FBXO16: variants seen among roughly 807,000 people sequenced by gnomAD.
FBXO16 encodes the protein F-box only protein 16.
FBXO16 carries 31 observed loss-of-function variants against 41.0 expected under a neutral mutation model. The ratio of observed to expected loss-of-function variants is 0.76; its 90% CI spans 0.57 to 1.02. The LOEUF is 1.02. FBXO16 is among the 50% of genes least tolerant of loss of function. The pLI is 0.00. For synonymous variants in FBXO16, 133 were observed against 117.8 expected (o/e 1.13, Z -0.84); for missense variants, 361 against 346.2 (o/e 1.04, Z -0.34).
chr8:28,429,022 A>C (rs181825280), intron 8 of FBXO16, among the ~76,000 whole-genome samples: 64 of 152,322 alleles, frequency 4.2e-4, no homozygotes, highest in African/African-American at 1.5e-3. Flanking sequence ...TTCATTTTGC[A>C]AATAAATGAA....
chr8:28,436,129 TAAG>T (rs1175223847), intron 7 of FBXO16, among the ~76,000 whole-genome samples: 2 of 152,122 alleles, frequency 1.3e-5, no homozygotes, highest in Non-Finnish European at 2.9e-5. Context: ...GGCCTTCTTC[TAAG>T]AAGAAGGCCT....
intron 4 of FBXO16, among the ~76,000 whole-genome samples, chr8:28,459,490 C>A (rs1373513615): frequency 6.6e-6 from 1 of 151,562 alleles, no homozygotes; most frequent in South Asian, 2.1e-4. Context: ...TGGTGACATG[C>A]GCCTGTAATC....
At chr8:28,450,050 C>G (rs976983531) in intron 6 of FBXO16, among the ~76,000 whole-genome samples, 4 of 151,508 alleles carry the variant, frequency 2.6e-5, no homozygotes, top group African/African-American at 9.7e-5. Context: ...GGGACTCCCA[C>G]TTTCTGGTTT....
In FBXO16 at chr8:28,484,741, G is replaced by A. The variant is rs932624278; in HGVS notation, c.-16-1279C>T. On this transcript the variant is annotated intron_variant, in intron 1 of 8. Coordinates refer to ENST00000380254, the MANE Select transcript of FBXO16 (RefSeq NM_172366.4). ...CGGGTAGCTGGGACTACAGGCGCCC[G>A]CCATCACGCCCAGCTAATATTTTTT... Among the ~76,000 whole-genome samples, 11 of 152,108 alleles carry A rather than the reference G, an allele frequency of 7.2e-5. No homozygotes were observed. The South Asian group carries it at 1.5e-3, about 20-fold the overall frequency.
chr8:28,474,316 C>CAAAAAAAAAAAAAA, intron 2 of FBXO16, among the ~76,000 whole-genome samples: 26 of 56,656 alleles, frequency 4.6e-4, no homozygotes, highest in East Asian at 8.2e-4. Flanking sequence ...CAGACCCTGT[C>CAAAAAAAAAAAAAA]AAAAAAAAAA....
intron 6 of FBXO16, among the ~76,000 whole-genome samples, chr8:28,448,357 AAAAGAAAG>A (rs1183096537): frequency 4.6e-4 from 69 of 151,060 alleles, no homozygotes; most frequent in African/African-American, 1.6e-3. Flanking sequence ...AAAAAAAAAA[AAAAGAAAG>A]AAAGAAAGAA....
intron 6 of FBXO16, among the ~76,000 whole-genome samples, chr8:28,450,956 G>C (rs944617305): frequency 6.6e-6 from 1 of 152,048 alleles, no homozygotes; most frequent in Non-Finnish European, 1.5e-5. Flanking sequence ...TTTTTAAAAG[G>C]CTTAGCAATT....
intron 7 of FBXO16, among the ~76,000 whole-genome samples, chr8:28,441,312 T>A (rs572543862): frequency 6.6e-6 from 1 of 152,306 alleles, no homozygotes; most frequent in Admixed American, 6.5e-5. Flanking sequence ...TTTCCCTGCC[T>A]CTGAAGTCCT....
chr8:28,445,122 T>G (rs1207670899), intron 7 of FBXO16, among the ~76,000 whole-genome samples: 2 of 152,126 alleles, frequency 1.3e-5, no homozygotes, highest in African/African-American at 2.4e-5. Context: ...TGATGCCGTA[T>G]GCTCTTTATC....
intron 1 of FBXO16, among the ~76,000 whole-genome samples, chr8:28,484,549 T>A (rs993010973): frequency 1.6e-4 from 24 of 152,380 alleles, no homozygotes; most frequent in African/African-American, 5.3e-4. Context: ...GCTAGGCCAG[T>A]TGGGCTGACA....
At chr8:28,431,276 G>A (rs146425600) in intron 7 of FBXO16, among the ~76,000 whole-genome samples, 2 of 152,152 alleles carry the variant, frequency 1.3e-5, no homozygotes, top group Non-Finnish European at 2.9e-5. Context: ...GGCATTTCTC[G>A]TCCCTCCAAG....
intron 7 of FBXO16, among the ~76,000 whole-genome samples, chr8:28,432,985 T>C (rs1339049281): frequency 6.6e-6 from 1 of 150,910 alleles, no homozygotes; most frequent in Non-Finnish European, 1.5e-5. Context: ...CACTTGAACT[T>C]GGGAGGCGGA....
At chr8:28,446,947 T>G in intron 7 of FBXO16, 1 of 413,676 alleles carries the variant, frequency 2.4e-6, no homozygotes. Flanking sequence ...GTTCATCCAG[T>G]CTTTTTCTTT....
chr8:28,451,083 G>C (rs1292480389), intron 6 of FBXO16, among the ~76,000 whole-genome samples: 1 of 152,126 alleles, frequency 6.6e-6, no homozygotes, highest in Admixed American at 6.5e-5. Flanking sequence ...AAGCGAGAAA[G>C]AGGCACCTCC....
intron 7 of FBXO16, 174 bp downstream of exon 7, chr8:28,446,997 T>C: frequency 1.2e-5 from 7 of 561,242 alleles, no homozygotes; most frequent in Non-Finnish European, 1.6e-5. Flanking sequence ...AGAGATTAAA[T>C]AAAGTGTATC....
At chr8:28,432,766 G>C (rs1364402890) in intron 7 of FBXO16, among the ~76,000 whole-genome samples, 2 of 151,750 alleles carry the variant, frequency 1.3e-5, no homozygotes, top group African/African-American at 4.8e-5. Flanking sequence ...ACCATCATAA[G>C]AATATTCCAG....
intron 2 of FBXO16, among the ~76,000 whole-genome samples, chr8:28,474,290 AC>A (rs1343951806): frequency 7.8e-6 from 1 of 127,426 alleles, no homozygotes; most frequent in Non-Finnish European, 1.6e-5. Context: ...TGTACTTCTA[AC>A]CTGGGTAACA....
At chr8:28,479,871 C>T (rs897688138) in intron 2 of FBXO16, among the ~76,000 whole-genome samples, 12 of 151,848 alleles carry the variant, frequency 7.9e-5, no homozygotes, top group African/African-American at 2.9e-4. Context: ...TAGGCATGCA[C>T]CATCACGCCA....
rs1344227956 is a variant in FBXO16 at position 28,428,613 on chromosome 8, G to T, written c.*114C>A. The T allele has an allele frequency of 1.3e-5, 20 of 1,551,758 alleles. No homozygotes were observed. Among genetic ancestry groups the T allele is most frequent in the Middle Eastern group, 3.3e-4 (2 of 6,014 alleles). On this transcript the variant is annotated 3_prime_UTR_variant, in exon 9 of 9. Transcript: ENST00000380254. ...ATGAGTCATGCTTGGGGCCCAGGGTGCCTGTGAGGATGCTGCATGAGAATT... is the reference window on the plus strand; with the variant it reads ...ATGAGTCATGCTTGGGGCCCAGGGTTCCTGTGAGGATGCTGCATGAGAATT...
Sources: allele counts gnomAD v4.1 joint callset (sites outside exome capture counted in the v4.1 genomes callset), GRCh38; gene constraint gnomAD v4.1.1; transcripts MANE v1.5; gene names NCBI Gene and HGNC (gene_info 2026-07-23, HGNC 2026-07-21).